FCGR2B: variants seen among roughly 807,000 people sequenced by gnomAD.
FCGR2B encodes low affinity immunoglobulin gamma Fc region receptor II-b.
In FCGR2B, 18 loss-of-function variants were observed where a neutral mutation model predicts 24.8. The observed-to-expected ratio is 0.73, with a 90% CI of 0.50 to 1.08. FCGR2B has a LOEUF of 1.08. Among genes scored for constraint, FCGR2B ranks in the 50% least tolerant of loss-of-function variants. The pLI, the probability that FCGR2B is intolerant of heterozygous loss-of-function variation, is 0.00. For missense variants in FCGR2B, 215 were observed against 297.6 expected (o/e 0.72, Z 2.04); for synonymous variants, 79 against 109.8 (o/e 0.72, Z 1.75).
At chr1:161,654,069 G>A in the FCGR2B span, among the ~76,000 whole-genome samples, 19 of 136,230 alleles carry the variant, frequency 1.4e-4, no homozygotes, top group African/African-American at 4.7e-4. Flanking sequence ...AGGGAGATGT[G>A]TTTGAGAAAT....
chr1:161,649,417 A>T, the FCGR2B span, among the ~76,000 whole-genome samples: 2 of 151,004 alleles, frequency 1.3e-5, 1 homozygote, highest in Non-Finnish European at 2.9e-5. Context: ...CAAAGAATGG[A>T]AGTTCATTTC....
the FCGR2B span, among the ~76,000 whole-genome samples, chr1:161,648,627 C>T: frequency 3.6e-4 from 55 of 150,998 alleles, 1 homozygote; most frequent in African/African-American, 1.3e-3. Context: ...GTCAAATATA[C>T]CTATTACAAA....
intron 6 of FCGR2B, chr1:161,675,578 G>A (rs571815093): frequency 5.5e-5 from 21 of 380,430 alleles, no homozygotes; most frequent in Non-Finnish European, 8.0e-5. Context: ...CAGGAATCTG[G>A]TGATATTTCC....
the FCGR2B span, among the ~76,000 whole-genome samples, chr1:161,647,297 C>CTTTTTTTT: frequency 1.6e-4 from 19 of 122,542 alleles, no homozygotes; most frequent in African/African-American, 4.9e-4. Context: ...GCTCTGGACT[C>CTTTTTTTT]TTTTTTTTTT....
At position 161,677,257 on chromosome 1, in the gene FCGR2B, C is replaced by A. The variant is rs1474014830; in HGVS notation, c.818-71C>A. 5.3e-6 allele frequency: 8 copies of A among 1,505,314 alleles called. No individual in the cohort carries two copies. In the East Asian group the frequency reaches 1.8e-4, roughly 34 times the overall value. The allele number at this position is 1,505,314 out of a possible 1,614,324, so 93.2% of individuals were successfully genotyped here. On this transcript the variant is annotated intron_variant, in intron 6 of 7. Coordinates refer to ENST00000358671, the MANE Select transcript of FCGR2B (RefSeq NM_001394477.1). ...TCTAGTTTGGGCGTTGGTTTTGCAG[C>A]CTCAGCATCAGCACAGGCAGGCCCT...
At chr1:161,677,166 T>C in intron 6 of FCGR2B, 162 bp from the exon 7 acceptor site, 5 of 704,362 alleles carry the variant, frequency 7.1e-6, no homozygotes, top group South Asian at 4.9e-5. Context: ...CATCGATCAA[T>C]GAGGTCATAT....
the FCGR2B span, among the ~76,000 whole-genome samples, chr1:161,649,646 C>T: frequency 2.5e-4 from 38 of 150,420 alleles, 1 homozygote; most frequent in Non-Finnish European, 5.9e-5. Flanking sequence ...ACGGAAGCTA[C>T]CATCTAAGAA....
In FCGR2B at chr1:161,671,406, G is replaced by A. The variant is rs757403471; in HGVS notation, c.148G>A (p.Ala50Thr). The change falls in exon 3 of 8, where the codon GCT (alanine) becomes ACT (threonine). Residue 50 changes from alanine (A) to threonine (T), a missense_variant. By Grantham distance (58) the Ala-to-Thr change is moderately conservative. Coordinates refer to ENST00000358671, the MANE Select transcript of FCGR2B (RefSeq NM_001394477.1). ...VAGTPAAPPK[A>T]VLKLEPQWIN... ...CTGCCCCTCAGCAGCTCCCCCAAAG[G>A]CTGTGCTGAAACTCGAGCCCCAGTG... The A allele has an allele frequency of 6.2e-7, 1 of 1,613,994 alleles. No individual in the cohort carries two copies. The highest frequency in any genetic ancestry group is 8.5e-7 in the Non-Finnish European group (1 of 1,180,050).
intron 2 of FCGR2B, 36 bp from the exon 3 acceptor site, chr1:161,671,356 C>T (rs1172454807): frequency 3.1e-6 from 5 of 1,614,000 alleles, no homozygotes; most frequent in Non-Finnish European, 4.2e-6. Flanking sequence ...CCTGGGCTTC[C>T]TCTTCTTCAT....
At chr1:161,647,754 G>A in the FCGR2B span, among the ~76,000 whole-genome samples, 4 of 150,900 alleles carry the variant, frequency 2.7e-5, no homozygotes, top group Non-Finnish European at 5.9e-5. Context: ...TCAACAGAGG[G>A]CAGTAGAGAA....
At position 161,676,395 on chromosome 1, in the gene FCGR2B, A is replaced by T. The variant is rs139067714; in HGVS notation, c.818-933A>T. The T allele has an allele frequency of 9.0e-4, 167 of 185,092 alleles. No homozygotes were observed. The East Asian group carries it at 0.012, about 14-fold the overall frequency. The allele number at this position is 185,092 out of a possible 1,614,324, so 11.5% of individuals were successfully genotyped here. On this transcript the variant is annotated intron_variant, in intron 6 of 7. Coordinates refer to ENST00000358671, the MANE Select transcript of FCGR2B (RefSeq NM_001394477.1). Reference sequence around the variant, plus strand: ...CCAGGGCCAAAACAGATCTGGAAAAAACAAAGTCCAAGCAACTGGATTATC... The same window carrying T: ...CCAGGGCCAAAACAGATCTGGAAAATACAAAGTCCAAGCAACTGGATTATC...
chr1:161,677,434 C>T (rs1682242529), intron 7 of FCGR2B, 42 bp from the exon 8 acceptor site: 11 of 1,608,566 alleles, frequency 6.8e-6, no homozygotes, highest in East Asian at 6.7e-5. Context: ...CTTTCCTAGG[C>T]CCTCTCTGTG....
chr1:161,671,263 C>A (rs1227077336), intron 2 of FCGR2B, 129 bp from the exon 3 acceptor site: 7 of 1,483,654 alleles, frequency 4.7e-6, no homozygotes, highest in African/African-American at 1.4e-5. Flanking sequence ...AGTTGCAGAA[C>A]CATTCTGGGC....
intron 3 of FCGR2B, 82 bp downstream of exon 3, chr1:161,671,731 G>C (rs563412539): frequency 1.6e-5 from 26 of 1,597,270 alleles, no homozygotes; most frequent in African/African-American, 1.2e-4. Context: ...TTGCAGGAAA[G>C]GGGGGTGGCC....
In FCGR2B at chr1:161,673,188, A is replaced by T; in HGVS notation, c.605A>T (p.Tyr202Phe). The T allele has an allele frequency of 6.2e-7, 1 of 1,609,730 alleles. No homozygotes were observed. ...GDYHCTGNIG[Y>F]TLYSSKPVTI... ...TACCACTGCACAGGAAACATAGGCT[A>T]CACGCTGTACTCATCCAAGCCTGTG... is the stretch of plus-strand genomic sequence containing the variant. Residue 202 changes from tyrosine to phenylalanine, a missense_variant, in exon 4 of 8, where the codon TAC becomes TTC. By Grantham distance (22) the Tyr-to-Phe change is conservative (BLOSUM62 3). Around this residue, in one of 5 missense-constraint regions of FCGR2B, gnomAD observed 16 missense variants for 46.6 expected, o/e 0.34. Transcript: ENST00000358671.
intron 5 of FCGR2B, 71 bp from the exon 6 acceptor site, chr1:161,675,186 C>A (rs1674758): frequency 0.2 from 201,457 of 1,020,890 alleles, 21,714 homozygotes; most frequent in Admixed American, 0.26. Context: ...CCAACCCTGG[C>A]CCTGGTCCTT....
intron 3 of FCGR2B, 98 bp from the exon 4 acceptor site, chr1:161,672,877 G>A (rs975609951): frequency 2.1e-5 from 33 of 1,535,080 alleles, no homozygotes; most frequent in Non-Finnish European, 2.8e-5. Context: ...GACCTAAGCT[G>A]TTCCCTCTGC....
chr1:161,655,024 G>T, the FCGR2B span, among the ~76,000 whole-genome samples: 1 of 142,810 alleles, frequency 7.0e-6, no homozygotes, highest in South Asian at 2.3e-4. Flanking sequence ...AGGGCATAAT[G>T]AATTTAAGCA....
the FCGR2B span, among the ~76,000 whole-genome samples, chr1:161,654,820 C>T: frequency 7.2e-6 from 1 of 138,424 alleles, no homozygotes; most frequent in African/African-American, 2.5e-5. Flanking sequence ...GCCTCACTAC[C>T]TCAGCACTCT....
Sources: allele counts gnomAD v4.1 joint callset (sites outside exome capture counted in the v4.1 genomes callset), GRCh38; gene constraint gnomAD v4.1.1; regional missense constraint gnomAD v4.1.1; transcripts MANE v1.5; gene names NCBI Gene and HGNC (gene_info 2026-07-23, HGNC 2026-07-21).